PKP4: variants seen among roughly 807,000 people sequenced by gnomAD.
PKP4 encodes the protein plakophilin-4.
PKP4 carries 90 observed loss-of-function variants against 145.1 expected under a neutral mutation model. The ratio of observed to expected loss-of-function variants is 0.62; its 90% CI spans 0.52 to 0.74. The LOEUF (loss-of-function observed/expected upper bound fraction) is 0.74. PKP4 is among the 30% of genes least tolerant of loss of function. The pLI, the probability that PKP4 is intolerant of heterozygous loss-of-function variation, is 0.00. For synonymous variants in PKP4, 563 were observed against 577.2 expected (o/e 0.98, Z 0.35); for missense variants, 1,340 against 1,482.7 (o/e 0.90, Z 1.58).
chr2:158,666,512 G>A lies in PKP4; in HGVS notation c.2677G>A (p.Ala893Thr), dbSNP rs374556320. 2 of 1,613,534 alleles carry A rather than the reference G, an allele frequency of 1.2e-6. No homozygotes were observed. Among genetic ancestry groups the A allele is most frequent in the African/African-American group, 1.3e-5 (1 of 74,900 alleles). The change falls in exon 16 of 22, where the codon GCA becomes ACA. Residue 893 changes from alanine to threonine, a missense_variant. Physicochemically the swap from Ala to Thr is moderately conservative, Grantham distance 58. Transcript: ENST00000389759. ...MDNDRVVSSV[A>T]TALRNMALDV... ...TAACGATAGAGTTGTTTCTTCCGTGGCAACAGCCTTGAGGAATATGGCACT... is the reference window on the plus strand; with the variant it reads ...TAACGATAGAGTTGTTTCTTCCGTGACAACAGCCTTGAGGAATATGGCACT...
At chr2:158,602,725 C>A (rs1241094140) in intron 3 of PKP4, among the ~76,000 whole-genome samples, 1 of 151,994 alleles carries the variant, frequency 6.6e-6, no homozygotes, top group South Asian at 2.1e-4. Context: ...CTTTTTGGTT[C>A]TTTTTCATAT....
chr2:158,640,521 C>G (rs2054188830), intron 9 of PKP4, 106 bp from the exon 10 acceptor site: 3 of 1,218,664 alleles, frequency 2.5e-6, no homozygotes, highest in African/African-American at 3.1e-5. Context: ...TTTGTAACTT[C>G]CCATTTTTGT....
intron 1 of PKP4, among the ~76,000 whole-genome samples, chr2:158,462,622 T>C (rs1384976881): frequency 1.3e-5 from 2 of 152,218 alleles, no homozygotes; most frequent in African/African-American, 2.4e-5. Context: ...AGATTACATA[T>C]GGTAGTTTTG....
rs773416235 is a variant in PKP4 at position 158,678,571 on chromosome 2, T to C, written c.3257-10T>C. ...CACTAGTTTTAATTTCATAAAATAT[T>C]TTCTTACAGGCTCCAGCAAACCTTC... is the stretch of plus-strand genomic sequence containing the variant. On this transcript the variant is annotated splice_polypyrimidine_tract_variant and intron_variant, in intron 20 of 21. Transcript: ENST00000389759. The C allele has an allele frequency of 6.3e-7, 1 of 1,598,310 alleles. No individual in the cohort carries two copies. The highest frequency in any genetic ancestry group is 8.6e-7 in the Non-Finnish European group (1 of 1,165,744).
intron 4 of PKP4, 67 bp from the exon 5 acceptor site, chr2:158,620,923 G>T: frequency 7.1e-7 from 1 of 1,406,966 alleles, no homozygotes; most frequent in South Asian, 1.2e-5. Context: ...ACAAACATCT[G>T]AACCTTTTTT....
chr2:158,474,835 C>T (rs893512272), intron 1 of PKP4, among the ~76,000 whole-genome samples: 3 of 152,144 alleles, frequency 2.0e-5, no homozygotes, highest in African/African-American at 4.8e-5. Context: ...AGGGGAGGTC[C>T]ATGTAGAAGA....
intron 10 of PKP4, among the ~76,000 whole-genome samples, chr2:158,641,561 ATTCT>A (rs745553154): frequency 7.9e-5 from 12 of 152,298 alleles, no homozygotes; most frequent in Admixed American, 1.3e-4. Flanking sequence ...TAACATATAG[ATTCT>A]TTCTTTAACG....
chr2:158,536,194 G>T (rs2044023476), intron 2 of PKP4, among the ~76,000 whole-genome samples: 1 of 152,134 alleles, frequency 6.6e-6, no homozygotes. Flanking sequence ...CACTGTTTAT[G>T]CTGTGACAGT....
chr2:158,473,103 A>G (rs898185069), intron 1 of PKP4, among the ~76,000 whole-genome samples: 8 of 152,238 alleles, frequency 5.3e-5, no homozygotes, highest in Admixed American at 3.3e-4. Context: ...CAAAACCACA[A>G]TGAGATACCA....
chr2:158,603,257 T>A (rs1390336379), intron 4 of PKP4, among the ~76,000 whole-genome samples, 153 bp downstream of exon 4: 6 of 152,186 alleles, frequency 3.9e-5, no homozygotes, highest in African/African-American at 1.4e-4. Context: ...CTTAATATGC[T>A]TAAGTTTTTA....
chr2:158,531,501 T>G (rs939874839), intron 1 of PKP4, among the ~76,000 whole-genome samples: 13 of 152,350 alleles, frequency 8.5e-5, no homozygotes, highest in African/African-American at 3.1e-4. Context: ...AGCATTTTTT[T>G]CCTTTATAGA....
intron 4 of PKP4, among the ~76,000 whole-genome samples, chr2:158,612,974 A>T (rs2051273443): frequency 6.6e-6 from 1 of 152,254 alleles, no homozygotes; most frequent in South Asian, 2.1e-4. Context: ...CTATCATGAA[A>T]AATGCAACAA....
chr2:158,535,327 C>G (rs1044324127), intron 2 of PKP4, among the ~76,000 whole-genome samples: 1 of 152,194 alleles, frequency 6.6e-6, no homozygotes, highest in East Asian at 1.9e-4. Flanking sequence ...GTGTGACACT[C>G]TTAGCCCACT....
At chr2:158,580,045 T>C (rs967040785) in intron 3 of PKP4, among the ~76,000 whole-genome samples, 1 of 152,180 alleles carries the variant, frequency 6.6e-6, no homozygotes, top group Non-Finnish European at 1.5e-5. Context: ...TTGCAGAATC[T>C]GTAGCATTTT....
chr2:158,542,907 A>G (rs1415028057), intron 2 of PKP4, among the ~76,000 whole-genome samples: 1 of 152,212 alleles, frequency 6.6e-6, no homozygotes, highest in Non-Finnish European at 1.5e-5. Flanking sequence ...TGGAATAGAA[A>G]TCCAATAGGA....
intron 1 of PKP4, among the ~76,000 whole-genome samples, chr2:158,473,924 T>G (rs551515732): frequency 6.6e-6 from 1 of 152,316 alleles, no homozygotes; most frequent in South Asian, 2.1e-4. Context: ...AGGTCAGCAT[T>G]AAAAAACCTA....
chr2:158,647,638 G>T (rs954137245), intron 11 of PKP4, among the ~76,000 whole-genome samples: 2 of 152,150 alleles, frequency 1.3e-5, no homozygotes, highest in African/African-American at 4.8e-5. Context: ...AATTAAAATG[G>T]TTCTCTAGTA....
intron 1 of PKP4, among the ~76,000 whole-genome samples, chr2:158,472,612 CAAAA>C (rs67665979): frequency 7.7e-5 from 5 of 65,162 alleles, no homozygotes; most frequent in Non-Finnish European, 1.1e-4. Context: ...GGCTCCATCT[CAAAA>C]AAAAAAAAAA....
intron 4 of PKP4, among the ~76,000 whole-genome samples, chr2:158,604,363 C>T (rs934824514): frequency 6.6e-6 from 1 of 152,118 alleles, no homozygotes; most frequent in African/African-American, 2.4e-5. Flanking sequence ...TCTGTAAGTT[C>T]CAGGGACTTT....
Sources: allele counts gnomAD v4.1 joint callset (sites outside exome capture counted in the v4.1 genomes callset), GRCh38; gene constraint gnomAD v4.1.1; transcripts MANE v1.5; gene names NCBI Gene and HGNC (gene_info 2026-07-23, HGNC 2026-07-21).